Variants in MKLN1 observed in about 807,000 individuals in gnomAD.
The protein encoded by MKLN1 is muskelin.
A neutral mutation model predicts 99.0 loss-of-function variants in MKLN1; 18 were observed. The ratio of observed to expected loss-of-function variants is 0.18; its 90% CI spans 0.13 to 0.27. The LOEUF (loss-of-function observed/expected upper bound fraction) is 0.27, where lower values mean the gene tolerates loss of function less well. MKLN1 is among the 10% of genes least tolerant of loss of function. The pLI is 1.00. For missense variants in MKLN1, 621 were observed against 875.9 expected (o/e 0.71, Z 3.67); for synonymous variants, 288 against 293.2 (o/e 0.98, Z 0.18).
chr7:131,174,964 TAG>T (rs1329349624), intron 2 of MKLN1, among the ~76,000 whole-genome samples: 7 of 112,918 alleles, frequency 6.2e-5, no homozygotes, highest in Admixed American at 4.3e-4. Flanking sequence ...GATAGATAGA[TAG>T]ATAGATAGAT....
intron 3 of MKLN1, among the ~76,000 whole-genome samples, chr7:131,235,788 C>T (rs541164129): frequency 3.9e-5 from 6 of 152,238 alleles, no homozygotes; most frequent in East Asian, 3.9e-4. Context: ...ATTGGTGCCC[C>T]GCTGCTACCT....
At chr7:131,421,851 A>G (rs540599207) in intron 8 of MKLN1, among the ~76,000 whole-genome samples, 1 of 152,318 alleles carries the variant, frequency 6.6e-6, no homozygotes, top group South Asian at 2.1e-4. Flanking sequence ...TCCACATTCT[A>G]AAAAACCAAT....
At chr7:131,152,845 T>A (rs1795908279) in intron 2 of MKLN1, among the ~76,000 whole-genome samples, 2 of 152,016 alleles carry the variant, frequency 1.3e-5, no homozygotes, top group Admixed American at 1.3e-4. Flanking sequence ...GTCCCTTAAA[T>A]CTCTTTTAAT....
chr7:131,410,727 G>T (rs368247142), intron 6 of MKLN1, among the ~76,000 whole-genome samples: 1 of 152,080 alleles, frequency 6.6e-6, no homozygotes, highest in Non-Finnish European at 1.5e-5. Context: ...AAGACAAGTG[G>T]TGGGAGATCA....
intron 3 of MKLN1, among the ~76,000 whole-genome samples, chr7:131,242,425 A>G (rs1400958407): frequency 6.6e-6 from 1 of 152,122 alleles, no homozygotes; most frequent in Non-Finnish European, 1.5e-5. Context: ...AGTCCCGGCT[A>G]CTCAGGAGGC....
At chr7:131,281,270 C>T (rs1215360391) in intron 3 of MKLN1, among the ~76,000 whole-genome samples, 1 of 149,738 alleles carries the variant, frequency 6.7e-6, no homozygotes, top group East Asian at 2.0e-4. Context: ...ATCCAGTTGT[C>T]CCAGCAACAT....
intron 8 of MKLN1, among the ~76,000 whole-genome samples, chr7:131,416,628 G>A (rs151316012): frequency 4.7e-4 from 71 of 151,296 alleles, no homozygotes; most frequent in African/African-American, 1.6e-3. Context: ...TTATGCATTA[G>A]GGGTAGGATT....
intron 2 of MKLN1, among the ~76,000 whole-genome samples, chr7:131,182,527 C>T (rs1414120181): frequency 2.0e-5 from 3 of 152,186 alleles, no homozygotes; most frequent in Non-Finnish European, 4.4e-5. Flanking sequence ...AAGACCAAAC[C>T]TTATATCTTC....
At position 131,353,071 on chromosome 7, in the gene MKLN1, T is replaced by C. The variant is rs551551066; in HGVS notation, c.99-22353T>C. Among the ~76,000 whole-genome samples the C allele has an allele frequency of 1.1e-4, 17 of 152,306 alleles. No homozygotes were observed. The South Asian group carries it at 1.4e-3, about 13-fold the overall frequency. ...TTGGGGTTATTAGAAATGAAGCTACTATAAACATTGGAGTACAGGTTTTTG... is the reference window on the plus strand; with the variant it reads ...TTGGGGTTATTAGAAATGAAGCTACCATAAACATTGGAGTACAGGTTTTTG... On this transcript the variant is annotated intron_variant, in intron 1 of 17. Coordinates refer to ENST00000352689, the MANE Select transcript of MKLN1 (RefSeq NM_013255.5).
At chr7:131,278,739 T>A (rs1414120159) in intron 3 of MKLN1, among the ~76,000 whole-genome samples, 1 of 151,734 alleles carries the variant, frequency 6.6e-6, no homozygotes, top group Non-Finnish European at 1.5e-5. Context: ...ACTACAGGCA[T>A]GCACCAACCA....
chr7:131,263,826 T>C (rs1271905082), intron 3 of MKLN1, among the ~76,000 whole-genome samples: 1 of 152,064 alleles, frequency 6.6e-6, no homozygotes, highest in Non-Finnish European at 1.5e-5. Flanking sequence ...TGCCTTGGCC[T>C]CTCAAAGTGC....
chr7:131,480,581 G>T lies in MKLN1; in HGVS notation c.2086+1904G>T, dbSNP rs114167768. Among the ~76,000 whole-genome samples the T allele has an allele frequency of 4.8e-3, 728 of 152,236 alleles. 7 individuals are homozygous for T. The highest frequency in any genetic ancestry group is 0.016 in the African/African-American group (679 of 41,530). ...CTAGACTGAGCAGACTGCTATAAAC[G>T]TGACTCCAGAAGGTTCTCCTAAGAA... On this transcript the variant is annotated intron_variant, in intron 17 of 17. Transcript: ENST00000352689.
At chr7:131,135,840 G>A (rs749681082) in intron 1 of MKLN1, among the ~76,000 whole-genome samples, 5 of 152,236 alleles carry the variant, frequency 3.3e-5, no homozygotes, top group South Asian at 2.1e-4. Flanking sequence ...GGTAAAAGTC[G>A]GATAAATGAA....
chr7:131,408,091 G>A (rs565052618), intron 6 of MKLN1, among the ~76,000 whole-genome samples: 8 of 151,818 alleles, frequency 5.3e-5, no homozygotes, highest in Non-Finnish European at 8.8e-5. Flanking sequence ...TGTTATTTCC[G>A]TCTAATATAT....
At chr7:131,453,403 A>G (rs1441102530) in intron 12 of MKLN1, among the ~76,000 whole-genome samples, 2 of 152,198 alleles carry the variant, frequency 1.3e-5, no homozygotes, top group African/African-American at 2.4e-5. Flanking sequence ...TGGCATTTCC[A>G]GTCAGAGAGA....
chr7:131,312,957 C>T (rs1006276752), intron 3 of MKLN1, among the ~76,000 whole-genome samples: 1 of 152,118 alleles, frequency 6.6e-6, no homozygotes, highest in African/African-American at 2.4e-5. Flanking sequence ...TCCCCAGGGC[C>T]ACTTGTCTAG....
intron 10 of MKLN1, among the ~76,000 whole-genome samples, chr7:131,438,816 TG>T (rs1795746490): frequency 6.6e-6 from 1 of 151,804 alleles, no homozygotes; most frequent in African/African-American, 2.4e-5. Flanking sequence ...AAATGGGAGG[TG>T]GTGCTAGAAT....
rs183217577 is a variant in MKLN1, at chr7:131,112,010, C to A, written c.-419+1803C>A. ...TCCTCTATGTCCCTGGACAAGACAA[C>A]CTTGTTTTGTTTTGTTTGTTTTCAG... On this transcript the variant is annotated intron_variant, in intron 1 of 7. Coordinates refer to the MKLN1 transcript ENST00000416992. 9.2e-5 allele frequency among the ~76,000 whole-genome samples: 14 copies of A among 152,326 alleles called. No individual in the cohort carries two copies. In the East Asian group the frequency reaches 2.5e-3, roughly 27 times the overall value.
intron 2 of MKLN1, among the ~76,000 whole-genome samples, chr7:131,198,756 G>A (rs1563249846): frequency 6.6e-6 from 1 of 151,902 alleles, no homozygotes; most frequent in Non-Finnish European, 1.5e-5. Flanking sequence ...TTATTTTCAT[G>A]AATTATAAAA....
Sources: gnomAD v4.1 joint callset for allele counts (sites outside exome capture counted in the v4.1 genomes callset) on GRCh38, gnomAD v4.1.1 for gene constraint, MANE v1.5 for transcripts, NCBI Gene and HGNC (gene_info 2026-07-23, HGNC 2026-07-21) for gene names.